PELI2: variants seen among roughly 807,000 people sequenced by gnomAD.
The protein encoded by PELI2 is E3 ubiquitin-protein ligase pellino homolog 2.
Under a neutral mutation model 42.3 loss-of-function variants are expected in PELI2, and 23 were observed. That is an observed-to-expected ratio of 0.54 (90% CI 0.39 to 0.77). The LOEUF (loss-of-function observed/expected upper bound fraction) is 0.77, where lower values mean the gene tolerates loss of function less well. PELI2 is among the 30% of genes least tolerant of loss of function. PELI2 has a pLI of 0.00. For synonymous variants in PELI2, 245 were observed against 212.2 expected (o/e 1.15, Z -1.34); for missense variants, 463 against 553.2 (o/e 0.84, Z 1.64).
intron 2 of PELI2, among the ~76,000 whole-genome samples, chr14:56,218,272 A>G (rs1317922423): frequency 6.6e-6 from 1 of 152,248 alleles, no homozygotes; most frequent in Admixed American, 6.5e-5. Context: ...CAGCTTTTGC[A>G]CCTAGAGAAT....
chr14:56,267,708 G>A (rs1385121597), intron 2 of PELI2, among the ~76,000 whole-genome samples: 1 of 152,078 alleles, frequency 6.6e-6, no homozygotes, highest in African/African-American at 2.4e-5. Flanking sequence ...TTCTTCAGCA[G>A]ATGGACAAAT....
chr14:56,131,177 G>C (rs1024499450), intron 1 of PELI2, among the ~76,000 whole-genome samples: 1 of 152,148 alleles, frequency 6.6e-6, no homozygotes, highest in Non-Finnish European at 1.5e-5. Flanking sequence ...AATCCAAAAA[G>C]CATAGTCCAA....
intron 1 of PELI2, among the ~76,000 whole-genome samples, chr14:56,163,631 A>G (rs1884846210): frequency 1.3e-5 from 2 of 151,904 alleles, no homozygotes; most frequent in South Asian, 2.1e-4. Context: ...GTATTTCAAT[A>G]GGGATTTCAT....
chr14:56,188,335 A>G (rs1207218227), intron 2 of PELI2, among the ~76,000 whole-genome samples: 1 of 152,232 alleles, frequency 6.6e-6, no homozygotes, highest in Non-Finnish European at 1.5e-5. Context: ...GTATTCTGCA[A>G]ACCCACAGGC....
At position 56,178,370 on chromosome 14, in the gene PELI2, G is replaced by A. The variant is rs1356052598; in HGVS notation, c.113G>A (p.Arg38Gln). The part of the protein sequence containing the change: ...NGALPNGDRG[R>Q]RKSRFALYKR... Reference sequence around the variant, plus strand: ...GCTTTACCCAATGGAGATAGAGGACGGAGGAAAAGTAGATTTGCCCTCTAC... The same window carrying A: ...GCTTTACCCAATGGAGATAGAGGACAGAGGAAAAGTAGATTTGCCCTCTAC... The change falls in exon 2 of 6, where the codon CGG (arginine) becomes CAG (glutamine). Residue 38 changes from arginine (R) to glutamine (Q), a missense_variant. Around this residue, in one of 3 missense-constraint regions of PELI2, gnomAD observed 343 missense variants for 378.4 expected, o/e 0.91. Transcript: ENST00000267460. 3.1e-6 allele frequency: 5 copies of A among 1,613,914 alleles called. No individual in the cohort carries two copies. Among genetic ancestry groups the A allele is most frequent in the Non-Finnish European group, 4.2e-6 (5 of 1,179,802 alleles).
At chr14:56,230,850 A>C (rs934421753) in intron 2 of PELI2, among the ~76,000 whole-genome samples, 1 of 152,226 alleles carries the variant, frequency 6.6e-6, no homozygotes, top group Admixed American at 6.5e-5. Context: ...TGTATTCAGG[A>C]GACCCATCTC....
intron 1 of PELI2, among the ~76,000 whole-genome samples, chr14:56,148,642 T>C (rs1884222584): frequency 6.6e-6 from 1 of 152,196 alleles, no homozygotes; most frequent in South Asian, 2.1e-4. Flanking sequence ...CCTGAAACCT[T>C]CCCACACACC....
At chr14:56,266,405 TAA>T (rs1365460492) in intron 2 of PELI2, among the ~76,000 whole-genome samples, 4 of 152,040 alleles carry the variant, frequency 2.6e-5, no homozygotes, top group Non-Finnish European at 4.4e-5. Flanking sequence ...CCTGTGTCAA[TAA>T]GAGACAAGCA....
chr14:56,220,592 A>T (rs899022056), intron 2 of PELI2, among the ~76,000 whole-genome samples: 10 of 152,226 alleles, frequency 6.6e-5, no homozygotes, highest in Non-Finnish European at 1.3e-4. Context: ...AACAATCAGT[A>T]TGTTTGCACT....
At position 56,300,288 on chromosome 14, in the gene PELI2, A is replaced by C. The variant is rs1271029723; in HGVS notation, c.*3122A>C. The C allele has an allele frequency of 6.6e-6, 1 of 152,652 alleles. No homozygotes were observed. The highest frequency in any genetic ancestry group is 2.4e-5 in the African/African-American group (1 of 41,450). The allele number at this position is 152,652 out of a possible 1,614,324, so 9.5% of individuals were successfully genotyped here. On this transcript the variant is annotated 3_prime_UTR_variant, in exon 6 of 6. Transcript: ENST00000267460. ...AAAAATGATGGGCTCCATTAAGGAG[A>C]CTAATGAATCTGGATGCAGAAATAT...
chr14:56,188,474 CT>C (rs1281994612), intron 2 of PELI2, among the ~76,000 whole-genome samples: 9 of 152,180 alleles, frequency 5.9e-5, no homozygotes, highest in Non-Finnish European at 1.0e-4. Context: ...CGACATTTCC[CT>C]GTATCATAAA....
intron 2 of PELI2, among the ~76,000 whole-genome samples, chr14:56,216,889 T>C: frequency 6.6e-6 from 1 of 152,246 alleles, no homozygotes; most frequent in Admixed American, 6.5e-5. Flanking sequence ...AATGTTACAC[T>C]GTCCCTAAGA....
At chr14:56,282,844 A>T (rs1380221946) in intron 3 of PELI2, among the ~76,000 whole-genome samples, 1 of 152,072 alleles carries the variant, frequency 6.6e-6, no homozygotes, top group Non-Finnish European at 1.5e-5. Context: ...TTTAATACTC[A>T]TTAAAATTAT....
chr14:56,281,325 A>G (rs547714996), intron 3 of PELI2, among the ~76,000 whole-genome samples: 3 of 152,312 alleles, frequency 2.0e-5, no homozygotes, highest in Middle Eastern at 6.8e-3. Flanking sequence ...GCAAAATACC[A>G]TGCAGCCATT....
chr14:56,201,244 G>A (rs901999588), intron 2 of PELI2, among the ~76,000 whole-genome samples: 1 of 152,190 alleles, frequency 6.6e-6, no homozygotes, highest in Non-Finnish European at 1.5e-5. Flanking sequence ...TCCTGGATTT[G>A]CTGGTGGTTT....
At chr14:56,249,063 G>A (rs1460192433) in intron 2 of PELI2, among the ~76,000 whole-genome samples, 1 of 152,182 alleles carries the variant, frequency 6.6e-6, no homozygotes, top group East Asian at 1.9e-4. Flanking sequence ...CTGTCATAGT[G>A]GTGCCGTGAA....
intron 3 of PELI2, among the ~76,000 whole-genome samples, chr14:56,284,261 A>G (rs1160998995): frequency 6.6e-6 from 1 of 152,232 alleles, no homozygotes; most frequent in Admixed American, 6.5e-5. Flanking sequence ...GATCTTGGTC[A>G]TTATTTTCTG....
chr14:56,232,104 G>A (rs1250186834), intron 2 of PELI2, among the ~76,000 whole-genome samples: 1 of 152,124 alleles, frequency 6.6e-6, no homozygotes, highest in Non-Finnish European at 1.5e-5. Context: ...CTCTGAAATC[G>A]TGGCAATAAT....
chr14:56,136,988 A>G (rs1220054655), intron 1 of PELI2, among the ~76,000 whole-genome samples: 1 of 152,224 alleles, frequency 6.6e-6, no homozygotes, highest in Non-Finnish European at 1.5e-5. Context: ...GTTAGAGGTG[A>G]CAGTGTTATG....
Sources: gnomAD v4.1 joint callset for allele counts (sites outside exome capture counted in the v4.1 genomes callset) on GRCh38, gnomAD v4.1.1 for gene constraint, gnomAD v4.1.1 regional missense constraint, MANE v1.5 for transcripts, NCBI Gene and HGNC (gene_info 2026-07-23, HGNC 2026-07-21) for gene names.